The following CSMD1 variants were observed in gnomAD, a reference collection of about 807,000 sequenced individuals.
The protein encoded by CSMD1 is CUB and Sushi multiple domains 1.
In CSMD1, 213 loss-of-function variants were observed where a neutral mutation model predicts 417.5. The ratio of observed to expected loss-of-function variants is 0.51; its 90% confidence interval spans 0.46 to 0.57. The LOEUF (loss-of-function observed/expected upper bound fraction) is 0.57. Among genes scored for constraint, CSMD1 ranks in the 20% least tolerant of loss-of-function variants. The probability of loss-of-function intolerance (pLI) is 0.00; values close to 1 mark genes in which losing one functional copy is unlikely to be tolerated. For synonymous variants in CSMD1, 2,862 were observed against 1,736.8 expected (o/e 1.65, Z -16.11); for missense variants, 6,923 against 4,529.7 (o/e 1.53, Z -15.17).
chr8:3,719,952 A>T (rs900968012), intron 6 of CSMD1, among the ~76,000 whole-genome samples: 2 of 152,184 alleles, frequency 1.3e-5, no homozygotes, highest in African/African-American at 4.8e-5. Context: ...TGTTTAATAA[A>T]GATGATCACC....
At chr8:3,955,924 G>T (rs1195082556) in intron 5 of CSMD1, among the ~76,000 whole-genome samples, 1 of 152,146 alleles carries the variant, frequency 6.6e-6, no homozygotes, top group East Asian at 1.9e-4. Flanking sequence ...GGTTAAAGCA[G>T]CTGGGATTAC....
chr8:4,659,901 T>C (rs576733487), intron 1 of CSMD1, among the ~76,000 whole-genome samples: 13 of 151,746 alleles, frequency 8.6e-5, no homozygotes, highest in Admixed American at 3.3e-4. Flanking sequence ...AGGGAAAAAA[T>C]GCATGTGACA....
At chr8:3,973,982 T>C (rs753561867) in intron 5 of CSMD1, among the ~76,000 whole-genome samples, 3 of 152,222 alleles carry the variant, frequency 2.0e-5, no homozygotes, top group Non-Finnish European at 4.4e-5. Context: ...CATTTATCCA[T>C]TGAGTTGCAA....
chr8:4,135,217 A>T (rs915263157), intron 3 of CSMD1, among the ~76,000 whole-genome samples: 4 of 152,054 alleles, frequency 2.6e-5, no homozygotes, highest in Non-Finnish European at 5.9e-5. Context: ...CAATGTTGAG[A>T]ATTAAGCTGT....
chr8:4,836,242 G>A (rs546148769), intron 1 of CSMD1, among the ~76,000 whole-genome samples: 2 of 152,282 alleles, frequency 1.3e-5, no homozygotes, highest in African/African-American at 2.4e-5. Context: ...TAACTACCAT[G>A]ACTCATTTTT....
intron 1 of CSMD1, among the ~76,000 whole-genome samples, chr8:4,693,405 T>C (rs1412088666): frequency 1.3e-5 from 2 of 152,134 alleles, no homozygotes; most frequent in East Asian, 3.9e-4. Context: ...TTCCTGGAGG[T>C]GTGTTCTGGC....
chr8:3,243,700 A>T (rs1799694281), intron 26 of CSMD1, among the ~76,000 whole-genome samples: 1 of 152,002 alleles, frequency 6.6e-6, no homozygotes, highest in African/African-American at 2.4e-5. Context: ...GCTTGGGCTC[A>T]CAGGCCTGAC....
chr8:4,746,764 G>T (rs13279100), intron 1 of CSMD1, among the ~76,000 whole-genome samples: 47,214 of 152,030 alleles, frequency 0.31, 8,279 homozygotes, highest in Admixed American at 0.45. Context: ...CACTACAGCA[G>T]CGAGGTCATT....
At chr8:3,619,720 T>A (rs28407170) in intron 7 of CSMD1, among the ~76,000 whole-genome samples, 15,282 of 151,578 alleles carry the variant, frequency 0.1, 798 homozygotes, top group South Asian at 0.13. Context: ...CAAGTCCTCA[T>A]AAACAAGGGA....
intron 1 of CSMD1, among the ~76,000 whole-genome samples, chr8:4,989,858 G>A (rs1462466407): frequency 4.6e-5 from 7 of 152,168 alleles, no homozygotes; most frequent in Admixed American, 4.6e-4. Flanking sequence ...AAAGGAAGCA[G>A]AACCATTTTC....
In CSMD1 at chr8:4,896,804, G is replaced by A. The variant is rs532890603; in HGVS notation, c.85+97528C>T. On this transcript the variant is annotated intron_variant, in intron 1 of 69. Coordinates refer to ENST00000635120, the MANE Select transcript of CSMD1 (RefSeq NM_033225.6). ...TCAGGGCTCCAGCGGGGTAGGGCGG[G>A]GGGAAGTGCAGGGCTATCCAGTGAG... Among the ~76,000 whole-genome samples the A allele has an allele frequency of 2.0e-5, 3 of 152,104 alleles. No homozygotes were observed. In the East Asian group the frequency reaches 5.8e-4, roughly 29 times the overall value.
chr8:4,909,194 A>G lies in CSMD1; in HGVS notation c.85+85138T>C, dbSNP rs1182974539. ...CTGCTGTAATCCACTCTTATAATGC[A>G]GGAGGCCTGTTGCTGTGGTAGTGAG... On this transcript the variant is annotated intron_variant, in intron 1 of 69. Coordinates refer to ENST00000635120, the MANE Select transcript of CSMD1 (RefSeq NM_033225.6). Among the ~76,000 whole-genome samples, 6 of 152,140 alleles carry G rather than the reference A, an allele frequency of 3.9e-5. No homozygotes were observed. The East Asian group carries it at 1.2e-3, about 29-fold the overall frequency.
intron 3 of CSMD1, among the ~76,000 whole-genome samples, chr8:4,306,585 A>C (rs551350566): frequency 4.6e-5 from 7 of 152,248 alleles, no homozygotes; most frequent in African/African-American, 1.7e-4. Context: ...ATGGTGTATT[A>C]AGCATCCTGA....
chr8:3,602,894 A>G (rs900069111), intron 8 of CSMD1, among the ~76,000 whole-genome samples: 1 of 152,202 alleles, frequency 6.6e-6, no homozygotes, highest in Admixed American at 6.5e-5. Context: ...AAATTAATAT[A>G]GGCTCAAGTA....
intron 4 of CSMD1, among the ~76,000 whole-genome samples, chr8:4,019,276 A>T (rs1028044606): frequency 6.6e-6 from 1 of 152,272 alleles, no homozygotes; most frequent in African/African-American, 2.4e-5. Flanking sequence ...GTTTTTAAAG[A>T]TTCAGGGCGA....
At chr8:4,198,525 G>A (rs1024925011) in intron 3 of CSMD1, among the ~76,000 whole-genome samples, 4 of 152,190 alleles carry the variant, frequency 2.6e-5, no homozygotes, top group South Asian at 4.1e-4. Flanking sequence ...TTTGGGGGAT[G>A]AGAAAGAAAG....
chr8:3,910,686 C>T (rs191257685), intron 5 of CSMD1, among the ~76,000 whole-genome samples: 2 of 152,132 alleles, frequency 1.3e-5, no homozygotes, highest in Non-Finnish European at 2.9e-5. Flanking sequence ...CTATTTTCCC[C>T]TTTGTATTTG....
chr8:4,536,296 T>A (rs1240013541), intron 2 of CSMD1, among the ~76,000 whole-genome samples: 2 of 152,184 alleles, frequency 1.3e-5, no homozygotes, highest in Non-Finnish European at 2.9e-5. Flanking sequence ...TTAAAAAAAA[T>A]CTAGTTTTCT....
rs569020492 is a variant in CSMD1, at chr8:4,097,457, G to A, written c.416-65358C>T. On this transcript the variant is annotated intron_variant, in intron 3 of 69. Coordinates refer to ENST00000635120, the MANE Select transcript of CSMD1 (RefSeq NM_033225.6). ...AAATAAAGCATCTTTCATTAAAGGG[G>A]GTTGTAATAATTTGTGCCAATTAAG... 8.7e-4 allele frequency among the ~76,000 whole-genome samples: 132 copies of A among 152,194 alleles called. 1 individual carries two copies. Among genetic ancestry groups the A allele is most frequent in the South Asian group, 8.3e-4 (4 of 4,828 alleles).
Sources: allele counts gnomAD v4.1 joint callset (sites outside exome capture counted in the v4.1 genomes callset), GRCh38; gene constraint gnomAD v4.1.1; transcripts MANE v1.5; gene names NCBI Gene and HGNC (gene_info 2026-07-23, HGNC 2026-07-21).